KCNH1: variants seen among roughly 807,000 people sequenced by gnomAD.
KCNH1 encodes potassium voltage-gated channel subfamily H member 1.
Under a neutral mutation model 69.2 loss-of-function variants are expected in KCNH1, and 27 were observed. The observed-to-expected ratio is 0.39, with a 90% CI of 0.29 to 0.54. The LOEUF (loss-of-function observed/expected upper bound fraction) is 0.54, where lower values mean the gene tolerates loss of function less well. KCNH1 is among the 20% of genes least tolerant of loss of function. The pLI, the probability that KCNH1 is intolerant of heterozygous loss-of-function variation, is 0.68. For missense variants in KCNH1, 798 were observed against 1,261.6 expected, an observed-to-expected ratio of 0.63 and a Z score of 5.57; for synonymous variants, 456 against 487.7, an observed-to-expected ratio of 0.93 and a Z score of 0.86.
intron 10 of KCNH1, among the ~76,000 whole-genome samples, chr1:210,744,655 CA>C (rs1683107109): frequency 6.6e-6 from 1 of 151,882 alleles, no homozygotes; most frequent in African/African-American, 2.4e-5. Context: ...AAAACAAAAA[CA>C]AAACAAAACA....
intron 1 of KCNH1, among the ~76,000 whole-genome samples, chr1:211,124,288 T>C (rs1009142958): frequency 4.6e-5 from 7 of 152,166 alleles, no homozygotes; most frequent in African/African-American, 1.7e-4. Context: ...TGTTTTTGTG[T>C]GTTGAAAGGA....
At chr1:211,069,751 A>G (rs142625865) in intron 5 of KCNH1, among the ~76,000 whole-genome samples, 55 of 130,852 alleles carry the variant, frequency 4.2e-4, no homozygotes, top group African/African-American at 1.6e-3. Context: ...ACTACAGTAT[A>G]CACAACAGTT....
At chr1:210,727,694 T>C (rs2149029679) in intron 10 of KCNH1, among the ~76,000 whole-genome samples, 1 of 152,332 alleles carries the variant, frequency 6.6e-6, no homozygotes, top group Non-Finnish European at 1.5e-5. Flanking sequence ...TTTGGTCCTT[T>C]GGAAATAATT....
At chr1:211,011,071 C>T (rs1689383545) in intron 6 of KCNH1, among the ~76,000 whole-genome samples, 1 of 152,064 alleles carries the variant, frequency 6.6e-6, no homozygotes, top group Non-Finnish European at 1.5e-5. Flanking sequence ...TAGTGGTTTG[C>T]TGTACCCATC....
intron 7 of KCNH1, among the ~76,000 whole-genome samples, chr1:210,904,282 A>G (rs1687052091): frequency 6.6e-6 from 1 of 152,184 alleles, no homozygotes; most frequent in South Asian, 2.1e-4. Flanking sequence ...AGTGGTGAGC[A>G]TATCAGAAGC....
chr1:210,958,058 T>A (rs1226881789), intron 6 of KCNH1, among the ~76,000 whole-genome samples: 1 of 152,234 alleles, frequency 6.6e-6, no homozygotes, highest in Non-Finnish European at 1.5e-5. Context: ...GTACTGTTGT[T>A]CCTTTCCATG....
intron 7 of KCNH1, among the ~76,000 whole-genome samples, chr1:210,889,226 C>T (rs1686689618): frequency 6.6e-6 from 1 of 152,136 alleles, no homozygotes; most frequent in Non-Finnish European, 1.5e-5. Flanking sequence ...CAGCTTCATC[C>T]CTGGGATGCA....
intron 10 of KCNH1, among the ~76,000 whole-genome samples, chr1:210,697,874 G>A (rs969363491): frequency 6.6e-6 from 1 of 152,216 alleles, no homozygotes; most frequent in Non-Finnish European, 1.5e-5. Context: ...AATGCATCTG[G>A]GAAAGTGGCA....
intron 5 of KCNH1, among the ~76,000 whole-genome samples, chr1:211,047,683 G>T (rs1332279581): frequency 6.6e-6 from 1 of 152,232 alleles, no homozygotes; most frequent in Non-Finnish European, 1.5e-5. Context: ...GAGTGTGTGT[G>T]TGTGTACATT....
At chr1:210,989,572 C>T (rs917114108) in intron 6 of KCNH1, among the ~76,000 whole-genome samples, 12 of 152,212 alleles carry the variant, frequency 7.9e-5, no homozygotes, top group Non-Finnish European at 1.6e-4. Context: ...TTCTTAACAT[C>T]AGGCTCTTAA....
chr1:210,868,671 C>A (rs1055559615), intron 7 of KCNH1, among the ~76,000 whole-genome samples: 1 of 152,012 alleles, frequency 6.6e-6, no homozygotes, highest in African/African-American at 2.4e-5. Flanking sequence ...CATTTAATCA[C>A]AAGATTCTTC....
intron 5 of KCNH1, among the ~76,000 whole-genome samples, chr1:211,047,248 C>A (rs140866465): frequency 7.2e-5 from 11 of 152,118 alleles, no homozygotes; most frequent in African/African-American, 2.7e-4. Context: ...CTACACCACA[C>A]GAATATCCTG....
chr1:210,779,603 C>T (rs1683935760), intron 9 of KCNH1, among the ~76,000 whole-genome samples: 1 of 152,182 alleles, frequency 6.6e-6, no homozygotes, highest in South Asian at 2.1e-4. Flanking sequence ...ACTCAGCAAT[C>T]AAACTACTGG....
chr1:210,692,747 GC>G (rs1681552837), intron 10 of KCNH1, among the ~76,000 whole-genome samples: 1 of 152,058 alleles, frequency 6.6e-6, no homozygotes, highest in African/African-American at 2.4e-5. Flanking sequence ...GCCAAGGAAT[GC>G]CAAGGATTGC....
At chr1:211,078,917 C>CAAAAAA (rs769981174) in intron 5 of KCNH1, among the ~76,000 whole-genome samples, 11 of 82,996 alleles carry the variant, frequency 1.3e-4, no homozygotes, top group Non-Finnish European at 1.8e-4. Flanking sequence ...GACTCCGTCT[C>CAAAAAA]AAAAAAAAAA....
At chr1:210,812,721 A>G (rs1307927694) in intron 7 of KCNH1, among the ~76,000 whole-genome samples, 2 of 152,208 alleles carry the variant, frequency 1.3e-5, no homozygotes, top group African/African-American at 4.8e-5. Context: ...TGGTCCAGAG[A>G]CACTCTCTCA....
chr1:211,051,062 A>G (rs1690196892), intron 5 of KCNH1, among the ~76,000 whole-genome samples: 1 of 151,944 alleles, frequency 6.6e-6, no homozygotes, highest in Non-Finnish European at 1.5e-5. Flanking sequence ...CAGTGGCACA[A>G]TCTCGGCTCA....
At chr1:210,768,281 G>T (rs1291084903) in intron 10 of KCNH1, among the ~76,000 whole-genome samples, 2 of 152,018 alleles carry the variant, frequency 1.3e-5, no homozygotes, top group East Asian at 3.8e-4. Flanking sequence ...TGCTTCTAAG[G>T]CCTCTATTTC....
intron 5 of KCNH1, among the ~76,000 whole-genome samples, chr1:211,066,107 C>T (rs1033633747): frequency 2.0e-5 from 3 of 151,854 alleles, no homozygotes; most frequent in Admixed American, 6.6e-5. Context: ...ATGCTTATAA[C>T]GAAACACATA....
Sources: allele counts gnomAD v4.1 joint callset (sites outside exome capture counted in the v4.1 genomes callset), GRCh38; gene constraint gnomAD v4.1.1; transcripts MANE v1.5; gene names NCBI Gene and HGNC (gene_info 2026-07-23, HGNC 2026-07-21).